Variants in CYP3A4 observed in about 807,000 individuals in gnomAD.
CYP3A4 encodes cytochrome P450 family 3 subfamily A member 4.
Under a neutral mutation model 54.9 loss-of-function variants are expected in CYP3A4, and 41 were observed. The ratio of observed to expected loss-of-function variants is 0.75; its 90% CI spans 0.58 to 0.97. The LOEUF (loss-of-function observed/expected upper bound fraction) is 0.97, where lower values mean the gene tolerates loss of function less well. CYP3A4 is among the 50% of genes least tolerant of loss of function. The pLI, the probability that CYP3A4 is intolerant of heterozygous loss-of-function variation, is 0.00. For missense variants in CYP3A4, 510 were observed against 597.3 expected, an observed-to-expected ratio of 0.85 and a Z score of 1.52; for synonymous variants, 179 against 205.2, an observed-to-expected ratio of 0.87 and a Z score of 1.09.
At chr7:99,771,636 G>C (rs1815636254) in intron 4 of CYP3A4, among the ~76,000 whole-genome samples, 1 of 152,114 alleles carries the variant, frequency 6.6e-6, no homozygotes, top group Non-Finnish European at 1.5e-5. Context: ...GAAAAGCAGA[G>C]GACCAGGAAG....
At chr7:99,780,250 G>C in intron 1 of CYP3A4, 165 bp from the exon 2 acceptor site, 1 of 672,884 alleles carries the variant, frequency 1.5e-6, no homozygotes, top group East Asian at 3.0e-5. Flanking sequence ...TGTTCATCAG[G>C]TCCTTTCCTG....
chr7:99,766,264 G>GC, intron 9 of CYP3A4, 113 bp downstream of exon 9: 1 of 1,264,640 alleles, frequency 7.9e-7, no homozygotes, highest in Non-Finnish European at 1.1e-6. Context: ...AACATGTGTC[G>GC]TTCTGCTATG....
chr7:99,774,895 A>C lies in CYP3A4; in HGVS notation c.219-2206T>G, dbSNP rs374218556. The stretch of plus-strand genomic sequence containing the variant: ...ATTCAATTAGGAAAAGAGGAAGTCA[A>C]ATTGTCTCTGTTTGCAGATGACATG... On this transcript the variant is annotated intron_variant, in intron 3 of 12. Transcript: ENST00000651514. 2.6e-4 allele frequency among the ~76,000 whole-genome samples: 40 copies of C among 152,314 alleles called. 1 individual carries two copies. The South Asian group carries it at 8.1e-3, about 31-fold the overall frequency.
In CYP3A4 at chr7:99,758,232, CA is replaced by C. The variant is rs1275500416; in HGVS notation, c.1417-5del. ...CTAAGCTTAATTTCAGGGGGATCTG[CA>C]ACAGTTAAACAAGCATATTGAGAAG... On this transcript the variant is annotated splice_polypyrimidine_tract_variant and splice_region_variant and intron_variant, in intron 12 of 12. Coordinates refer to ENST00000651514, the MANE Select transcript of CYP3A4 (RefSeq NM_017460.6). 5 of 1,613,066 alleles carry C rather than the reference CA, an allele frequency of 3.1e-6. No individual in the cohort carries two copies. Among genetic ancestry groups the C allele is most frequent in the Non-Finnish European group, 4.2e-6 (5 of 1,179,388 alleles).
rs757299292 is a variant in CYP3A4 at position 99,777,531 on chromosome 7, CAAAT to C, written c.218+493_218+496del. 4.0e-5 allele frequency among the ~76,000 whole-genome samples: 6 copies of C among 149,734 alleles called. No homozygotes were observed. The South Asian group carries it at 1.1e-3, about 26-fold the overall frequency. On this transcript the variant is annotated intron_variant, in intron 3 of 12. Transcript: ENST00000651514. ...GTGTGTGTGTGTGTAAAAACCCTGA[CAAAT>C]AAATCAAAGAAGGCTATGAAGAGAG...
chr7:99,765,305 G>A (rs1815446059), intron 9 of CYP3A4, among the ~76,000 whole-genome samples: 1 of 152,154 alleles, frequency 6.6e-6, no homozygotes, highest in Non-Finnish European at 1.5e-5. Context: ...GTGCTCAATA[G>A]CCATATGTGT....
intron 4 of CYP3A4, among the ~76,000 whole-genome samples, chr7:99,771,854 A>G (rs557305684): frequency 1.3e-5 from 2 of 152,318 alleles, no homozygotes; most frequent in South Asian, 4.1e-4. Context: ...CTTTCCAAAA[A>G]TGGCGTTGGA....
At chr7:99,765,214 G>C (rs772279477) in intron 9 of CYP3A4, among the ~76,000 whole-genome samples, 9 of 152,052 alleles carry the variant, frequency 5.9e-5, no homozygotes, top group Non-Finnish European at 1.3e-4. Flanking sequence ...ACCCACTAGT[G>C]GCTATTTAAA....
intron 12 of CYP3A4, among the ~76,000 whole-genome samples, chr7:99,760,319 T>A (rs1228479380): frequency 6.6e-6 from 1 of 152,194 alleles, no homozygotes; most frequent in Non-Finnish European, 1.5e-5. Context: ...GGGAAGCTTT[T>A]AAAGCCACAC....
chr7:99,784,039 G>A lies in CYP3A4; in HGVS notation c.43C>T (p.Leu15=). The A allele has an allele frequency of 6.2e-7, 1 of 1,614,094 alleles. No homozygotes were observed. Among genetic ancestry groups the A allele is most frequent in the Non-Finnish European group, 8.5e-7 (1 of 1,179,970 alleles). ...PDLAMETWLL[L]AVSLVLLYLY... ...TAGAGGAGCACCAGGCTGACAGCCA[G>A]GAGAAGCCAGGTTTCCATGGCCAAG... is the stretch of plus-strand genomic sequence containing the variant. The change falls in exon 1 of 13, where the codon CTG becomes TTG. Residue 15 remains leucine, a synonymous_variant. Transcript: ENST00000651514.
intron 10 of CYP3A4, among the ~76,000 whole-genome samples, chr7:99,762,984 C>T (rs980616264): frequency 6.6e-6 from 1 of 152,164 alleles, no homozygotes; most frequent in Non-Finnish European, 1.5e-5. Flanking sequence ...GTGATATGCA[C>T]CTAGTATTTG....
At chr7:99,759,761 A>T (rs1815269406) in intron 12 of CYP3A4, among the ~76,000 whole-genome samples, 1 of 152,162 alleles carries the variant, frequency 6.6e-6, no homozygotes, top group Non-Finnish European at 1.5e-5. Context: ...CTGGACTAGG[A>T]GGAGAAGACA....
At chr7:99,768,039 A>C (rs140581061) in intron 7 of CYP3A4, among the ~76,000 whole-genome samples, 1 of 152,350 alleles carries the variant, frequency 6.6e-6, no homozygotes, top group Non-Finnish European at 1.5e-5. Flanking sequence ...GAGAATAAAA[A>C]ACCCTGATGA....
At chr7:99,760,669 C>T in intron 12 of CYP3A4, 150 bp downstream of exon 12, 2 of 1,068,490 alleles carry the variant, frequency 1.9e-6, no homozygotes, top group South Asian at 1.7e-5. Flanking sequence ...ACTGAAGCAC[C>T]CTTAAAGATC....
chr7:99,772,489 C>G (rs1321839834), intron 4 of CYP3A4, 101 bp downstream of exon 4: 1 of 1,487,704 alleles, frequency 6.7e-7, no homozygotes, highest in African/African-American at 1.4e-5. Flanking sequence ...GGACGTGGAA[C>G]CTTCCTGGAC....
At chr7:99,783,690 C>A (rs2151569080) in intron 1 of CYP3A4, among the ~76,000 whole-genome samples, 1 of 142,154 alleles carries the variant, frequency 7.0e-6, no homozygotes, top group African/African-American at 2.5e-5. Context: ...CTCACTGCAA[C>A]CTCCGCCTGC....
chr7:99,772,129 CA>C lies in CYP3A4; in HGVS notation c.318+460del, dbSNP rs1303376429. Among the ~76,000 whole-genome samples, 3 of 152,258 alleles carry C rather than the reference CA, an allele frequency of 2.0e-5. No individual in the cohort carries two copies. In the East Asian group the frequency reaches 5.8e-4, roughly 29 times the overall value. ...TAGTTTGCTCTGATATGGACCCTGTCAGAGAAAAAGACTTGTGACTGTAGGA... is the reference window on the plus strand; with the variant it reads ...TAGTTTGCTCTGATATGGACCCTGTCGAGAAAAAGACTTGTGACTGTAGGA... On this transcript the variant is annotated intron_variant, in intron 4 of 12. Transcript: ENST00000651514.
chr7:99,772,729 T>A, intron 3 of CYP3A4, 40 bp from the exon 4 acceptor site: 1 of 1,606,790 alleles, frequency 6.2e-7, no homozygotes, highest in Non-Finnish European at 8.5e-7. Flanking sequence ...ATCAACAGCC[T>A]TATTCTACAG....
chr7:99,771,117 T>C (rs1815623893), intron 4 of CYP3A4, among the ~76,000 whole-genome samples: 1 of 151,930 alleles, frequency 6.6e-6, no homozygotes, highest in African/African-American at 2.4e-5. Context: ...GAAGTCCTAG[T>C]GCAATAGACA....
Sources: gnomAD v4.1 joint callset for allele counts (sites outside exome capture counted in the v4.1 genomes callset) on GRCh38, gnomAD v4.1.1 for gene constraint, MANE v1.5 for transcripts, NCBI Gene and HGNC (gene_info 2026-07-23, HGNC 2026-07-21) for gene names.